Variants in EVC observed in about 807,000 individuals in gnomAD.
EVC encodes the protein evC complex member EVC.
Under a neutral mutation model 118.9 loss-of-function variants are expected in EVC, and 116 were observed. That is an observed-to-expected ratio of 0.98 (90% CI 0.84 to 1.14). The LOEUF (loss-of-function observed/expected upper bound fraction) is 1.14, where lower values mean the gene tolerates loss of function less well. Among genes scored for constraint, EVC ranks in the 50% most tolerant of loss-of-function variants. EVC has a pLI of 0.00. For synonymous variants in EVC, 619 were observed against 534.7 expected (o/e 1.16, Z -2.18); for missense variants, 1,401 against 1,246.4 (o/e 1.12, Z -1.87).
chr4:5,712,591 C>G (rs1418708349), intron 1 of EVC, among the ~76,000 whole-genome samples: 1 of 152,152 alleles, frequency 6.6e-6, no homozygotes, highest in Non-Finnish European at 1.5e-5. Context: ...GGTCTTGCTA[C>G]CCCCATTTCT....
the EVC span, chr4:5,828,745 T>TAACA: frequency 6.6e-7 from 1 of 1,506,878 alleles, no homozygotes; most frequent in Non-Finnish European, 9.0e-7. Flanking sequence ...CGATTTTGCC[T>TAACA]AACATTATAT....
chr4:5,815,377 A>G (rs1251936486), downstream of EVC, among the ~76,000 whole-genome samples: 3 of 152,206 alleles, frequency 2.0e-5, no homozygotes, highest in African/African-American at 7.2e-5. Context: ...ATTCCAACGT[A>G]ACGTGCATGG....
At chr4:5,722,629 A>T (rs570961164) in intron 2 of EVC, among the ~76,000 whole-genome samples, 41 of 152,194 alleles carry the variant, frequency 2.7e-4, no homozygotes, top group Non-Finnish European at 4.6e-4. Context: ...GCTATTCCAC[A>T]GCCTCCGTCT....
intron 7 of EVC, among the ~76,000 whole-genome samples, chr4:5,747,875 G>C (rs1729607223): frequency 6.6e-6 from 1 of 152,160 alleles, no homozygotes. Flanking sequence ...TCTGTAGGCT[G>C]GACAAGCTAC....
intron 12 of EVC, among the ~76,000 whole-genome samples, chr4:5,788,507 A>T (rs1050828048): frequency 6.6e-6 from 1 of 152,212 alleles, no homozygotes; most frequent in African/African-American, 2.4e-5. Context: ...GACATGAGAA[A>T]TGGGTGTGTC....
At chr4:5,735,461 C>T (rs1330570068) in intron 5 of EVC, among the ~76,000 whole-genome samples, 2 of 152,202 alleles carry the variant, frequency 1.3e-5, no homozygotes, top group African/African-American at 4.8e-5. Flanking sequence ...AATATCCTTT[C>T]AGCTATTGCT....
At chr4:5,806,907 G>C (rs1160288486) in intron 17 of EVC, among the ~76,000 whole-genome samples, 1 of 152,148 alleles carries the variant, frequency 6.6e-6, no homozygotes, top group Non-Finnish European at 1.5e-5. Context: ...TCTCCTTGTG[G>C]CTTTAACTTG....
At chr4:5,822,078 T>G in the EVC span, among the ~76,000 whole-genome samples, 1 of 152,234 alleles carries the variant, frequency 6.6e-6, no homozygotes, top group Non-Finnish European at 1.5e-5. Flanking sequence ...GACCACCTTG[T>G]GGTGTTCTTG....
rs762296832 is a variant in EVC at position 5,798,692 on chromosome 4, T to C, written c.2204T>C (p.Leu735Pro). The C allele has an allele frequency of 6.8e-6, 11 of 1,607,664 alleles. No individual in the cohort carries two copies. The highest frequency in any genetic ancestry group is 1.7e-5 in the Admixed American group (1 of 59,514). ...LLAEAQEVGQ[L>P]LQQHMECAIG... ...GCCGAGGCCCAGGAGGTGGGGCAGC[T>C]TCTGCAGCAGCACATGGAGTGCGCC... The change falls in exon 15 of 21, where the codon CTT becomes CCT. Residue 735 changes from leucine to proline, a missense_variant. Transcript: ENST00000264956. This position sits in a 1 kb window ranked among gnomAD's most constrained non-coding sequence, Gnocchi z 4.1.
At chr4:5,748,576 CCA>C (rs1485687333) in intron 8 of EVC, among the ~76,000 whole-genome samples, 2 of 97,518 alleles carry the variant, frequency 2.1e-5, no homozygotes, top group East Asian at 4.8e-4. Context: ...ATCCATCCAT[CCA>C]TCCACCCATC....
intron 5 of EVC, among the ~76,000 whole-genome samples, chr4:5,736,881 T>C (rs576100084): frequency 6.6e-6 from 1 of 152,316 alleles, no homozygotes; most frequent in South Asian, 2.1e-4. Context: ...CAATGGCCTT[T>C]AGGTGTTTGA....
At position 5,731,433 on chromosome 4, in the gene EVC, C is replaced by A; in HGVS notation, c.393C>A (p.Ala131=). The change falls in exon 4 of 21, where the codon GCC becomes GCA. Residue 131 remains alanine (A), a synonymous_variant. Coordinates refer to ENST00000264956, the MANE Select transcript of EVC (RefSeq NM_153717.3). This position sits in a 1 kb window ranked among gnomAD's most constrained non-coding sequence, Gnocchi z 5.6. The part of the protein sequence containing the change: ...YPINQKFRPL[A]DGSSNPSLHE... ...TCCTACTGCCACCCCAGCCTCTGGC[C>A]GATGGCTCCTCCAACCCGTCTCTGC... is the stretch of plus-strand genomic sequence containing the variant. 6.2e-7 allele frequency: 1 copy of A among 1,613,424 alleles called. No homozygotes were observed. Among genetic ancestry groups the A allele is most frequent in the Non-Finnish European group, 8.5e-7 (1 of 1,179,858 alleles).
At chr4:5,776,381 A>G (rs1734723848) in intron 11 of EVC, among the ~76,000 whole-genome samples, 1 of 152,094 alleles carries the variant, frequency 6.6e-6, no homozygotes, top group Non-Finnish European at 1.5e-5. Flanking sequence ...CCGTTCATTT[A>G]TTCATTCATT....
rs140940968 is a variant in EVC, at chr4:5,742,044, TA to T, written c.801+231del. 0.04 allele frequency among the ~76,000 whole-genome samples: 6,096 copies of T among 152,330 alleles called. 147 individuals carry two copies. Among genetic ancestry groups the T allele is most frequent in the Middle Eastern group, 0.065 (19 of 294 alleles). ...AGAGAATAATATTGGTCATATCTAC[TA>T]CTCAAAGACGGTCACTGTTAATGTT... On this transcript the variant is annotated intron_variant, in intron 6 of 20. Coordinates refer to ENST00000264956, the MANE Select transcript of EVC (RefSeq NM_153717.3). This position sits in a 1 kb window ranked among gnomAD's most constrained non-coding sequence, Gnocchi z 5.2.
At chr4:5,806,485 C>A (rs968022251) in intron 17 of EVC, among the ~76,000 whole-genome samples, 1 of 152,044 alleles carries the variant, frequency 6.6e-6, no homozygotes, top group Non-Finnish European at 1.5e-5. Flanking sequence ...AAGAAAATGG[C>A]CTCCAGTTCC....
At chr4:5,790,019 A>G (rs943435051) in intron 12 of EVC, among the ~76,000 whole-genome samples, 9 of 151,994 alleles carry the variant, frequency 5.9e-5, no homozygotes, top group Non-Finnish European at 1.3e-4. Flanking sequence ...CATCTCTACT[A>G]AAAATACAAA....
In EVC at chr4:5,800,880, G is replaced by A. The variant is rs2152354774; in HGVS notation, c.2305-1070G>A. 1.3e-5 allele frequency among the ~76,000 whole-genome samples: 2 copies of A among 152,298 alleles called. 1 individual carries two copies. Among genetic ancestry groups the A allele is most frequent in the South Asian group, 4.1e-4 (2 of 4,830 alleles). ...CGCCGCGCCACACCTGTGTGCTCAG[G>A]TACCTTTCTCAGATGCTGTGGTGAG... is the stretch of plus-strand genomic sequence containing the variant. On this transcript the variant is annotated intron_variant, in intron 15 of 20. Transcript: ENST00000264956.
chr4:5,800,977 T>TAG (rs1714863425), intron 15 of EVC, among the ~76,000 whole-genome samples: 4 of 152,232 alleles, frequency 2.6e-5, no homozygotes, highest in African/African-American at 9.6e-5. Context: ...GGGGATGAGC[T>TAG]TTTCTGGCTT....
intron 9 of EVC, among the ~76,000 whole-genome samples, chr4:5,753,274 G>T (rs1341638296): frequency 1.3e-5 from 2 of 152,228 alleles, no homozygotes; most frequent in African/African-American, 4.8e-5. Flanking sequence ...CAGGGCAGGG[G>T]TCACCTGCTG....
Sources: allele counts gnomAD v4.1 joint callset (sites outside exome capture counted in the v4.1 genomes callset), GRCh38; gene constraint gnomAD v4.1.1; non-coding constraint Gnocchi (gnomAD v3.1); transcripts MANE v1.5; gene names NCBI Gene and HGNC (gene_info 2026-07-23, HGNC 2026-07-21).